The following CCT4 variants were observed in gnomAD, a reference collection of about 807,000 sequenced individuals.
CCT4 encodes T-complex protein 1 subunit delta.
A neutral mutation model predicts 62.5 loss-of-function variants in CCT4; 17 were observed. The ratio of observed to expected loss-of-function variants is 0.27; its 90% confidence interval spans 0.19 to 0.41. The LOEUF is 0.41. Among genes scored for constraint, CCT4 ranks in the 10% least tolerant of loss-of-function variants. The pLI, the probability that CCT4 is intolerant of heterozygous loss-of-function variation, is 1.00. For synonymous variants in CCT4, 250 were observed against 229.9 expected, an observed-to-expected ratio of 1.09 and a Z score of -0.79; for missense variants, 592 against 659.2, an observed-to-expected ratio of 0.90 and a Z score of 1.12.
At chr2:61,887,768 A>G (rs973589533) in intron 1 of CCT4, among the ~76,000 whole-genome samples, 10 of 151,988 alleles carry the variant, frequency 6.6e-5, no homozygotes, top group Non-Finnish European at 1.5e-4. Context: ...ACACTTCCAC[A>G]AAAAAAACAA....
intron 2 of CCT4, among the ~76,000 whole-genome samples, chr2:61,884,188 T>A (rs138414289): frequency 6.6e-6 from 1 of 152,232 alleles, no homozygotes; most frequent in Non-Finnish European, 1.5e-5. Flanking sequence ...GATATCTATA[T>A]TTGGGTGTGC....
intron 7 of CCT4, 76 bp downstream of exon 7, chr2:61,876,844 C>A: frequency 7.8e-7 from 1 of 1,278,122 alleles, no homozygotes; most frequent in Non-Finnish European, 1.1e-6. Flanking sequence ...GTAGTATTTT[C>A]TATTTTTAAT....
At position 61,872,572 on chromosome 2, in the gene CCT4, C is replaced by A; in HGVS notation, c.1142G>T (p.Ser381Ile). Residue 381 changes from serine (S) to isoleucine (I), a missense_variant, in exon 11 of 14, where the codon AGC (serine) becomes ATC (isoleucine). Around this residue, in one of 3 missense-constraint regions of CCT4, gnomAD observed 522 missense variants for 571.2 expected, o/e 0.91. Transcript: ENST00000394440. ...AACAATTGTAACTGTTTTTCCAGGG[C>A]TGGCACAGCCTGTAATCTTCAGTAA... is the stretch of plus-strand genomic sequence containing the variant. ...GKLLKITGCA[S>I]PGKTVTIVVR... is the part of the protein sequence containing the mutation. The A allele has an allele frequency of 1.2e-6, 2 of 1,613,742 alleles. No homozygotes were observed. The highest frequency in any genetic ancestry group is 1.7e-6 in the Non-Finnish European group (2 of 1,179,868).
intron 5 of CCT4, 93 bp downstream of exon 5, chr2:61,878,776 G>C: frequency 1.2e-6 from 1 of 808,156 alleles, no homozygotes; most frequent in Non-Finnish European, 1.9e-6. Flanking sequence ...AGCCACTCTT[G>C]AGATTTAGTA....
At position 61,888,537 on chromosome 2, in the gene CCT4, G is replaced by C. The variant is rs370130012; in HGVS notation, c.-30C>G. On this transcript the variant is annotated 5_prime_UTR_variant, in exon 1 of 14. Transcript: ENST00000394440. ...AACTCCGCTGTGTCTGGGTTGGCTCGGGAAGGACGGATGGACCCGGATTCT... is the reference window on the plus strand; with the variant it reads ...AACTCCGCTGTGTCTGGGTTGGCTCCGGAAGGACGGATGGACCCGGATTCT... 5.6e-6 allele frequency: 9 copies of C among 1,602,406 alleles called. No homozygotes were observed. The highest frequency in any genetic ancestry group is 7.7e-6 in the Non-Finnish European group (9 of 1,174,218).
At chr2:61,876,457 A>C (rs556049214) in intron 7 of CCT4, among the ~76,000 whole-genome samples, 11 of 152,308 alleles carry the variant, frequency 7.2e-5, no homozygotes, top group African/African-American at 2.2e-4. Context: ...TTTGCAAGTA[A>C]ATTTTTTATA....
At chr2:61,869,924 G>A (rs543760567) in intron 12 of CCT4, among the ~76,000 whole-genome samples, 246 of 150,500 alleles carry the variant, frequency 1.6e-3, no homozygotes, top group Non-Finnish European at 2.9e-3. Context: ...GAGCCATGGC[G>A]CCTGGCCACT....
rs112310727 is a variant in CCT4 at position 61,869,512 on chromosome 2, A to T, written c.1533T>A (p.Pro511=). ...SNILEELVVQ[P]LLVSVSALTL... ...TCAGAGCACTGACTGATACCAACAG[A>T]GGCTGGACAACCAGTTCCTCCAAAA... The change falls in exon 13 of 14, where the codon CCT becomes CCA. Residue 511 remains proline, a synonymous_variant. Transcript: ENST00000394440. 2 of 1,612,388 alleles carry T rather than the reference A, an allele frequency of 1.2e-6. No individual in the cohort carries two copies. The highest frequency in any genetic ancestry group is 1.3e-5 in the African/African-American group (1 of 75,034).
At position 61,880,412 on chromosome 2, in the gene CCT4, GC is replaced by G; in HGVS notation, c.271-19del. 1 of 1,417,376 alleles carries G rather than the reference GC, an allele frequency of 7.1e-7. No individual in the cohort carries two copies. The highest frequency in any genetic ancestry group is 9.9e-7 in the Non-Finnish European group (1 of 1,013,080). The allele number at this position is 1,417,376 out of a possible 1,614,324, so 87.8% of individuals were successfully genotyped here. A position where few individuals can be genotyped will look rare whatever the true frequency, so the allele number is the denominator to read the frequency against. The stretch of plus-strand genomic sequence containing the variant: ...TCCACCAGCTAAGTGAACAGAAAAT[GC>G]CAAGTTGCTCAATGAGAAATGACAG... On this transcript the variant is annotated intron_variant, in intron 3 of 13. Transcript: ENST00000394440.
At position 61,873,085 on chromosome 2, in the gene CCT4, T is replaced by C; in HGVS notation, c.1042A>G (p.Ile348Val). Residue 348 changes from isoleucine to valine, a missense_variant, in exon 10 of 14, where the codon ATT becomes GTT. Ile to Val is a conservative substitution (Grantham distance 29). Around this residue, in one of 3 missense-constraint regions of CCT4, gnomAD observed 522 missense variants for 571.2 expected, o/e 0.91. Transcript: ENST00000394440. ...AGCATGTCAGCAGTAAATTGGTCAA[T>C]ATGAGCAACTGGCTTGGTTCCAATT... ...KTIGTKPVAH[I>V]DQFTADMLGS... The C allele has an allele frequency of 6.2e-7, 1 of 1,611,520 alleles. No homozygotes were observed. Among genetic ancestry groups the C allele is most frequent in the Non-Finnish European group, 8.5e-7 (1 of 1,177,588 alleles).
Position 61,873,309 on chromosome 2 carries a change from A to C in CCT4, c.918-16T>G. 1 of 1,392,772 alleles carries C rather than the reference A, an allele frequency of 7.2e-7. No homozygotes were observed. The highest frequency in any genetic ancestry group is 1.0e-6 in the Non-Finnish European group (1 of 985,082). The allele number at this position is 1,392,772 out of a possible 1,614,324, so 86.3% of individuals were successfully genotyped here. On this transcript the variant is annotated splice_polypyrimidine_tract_variant and intron_variant, in intron 8 of 13. Coordinates refer to ENST00000394440, the MANE Select transcript of CCT4 (RefSeq NM_006430.4). ...AAGAGCATCTCTAAAATACAAAATC[A>C]GTGATTATGTCAATGCTAGATTAAA...
chr2:61,880,736 T>C (rs1471797621), intron 3 of CCT4, among the ~76,000 whole-genome samples: 1 of 152,096 alleles, frequency 6.6e-6, no homozygotes, highest in African/African-American at 2.4e-5. Flanking sequence ...GACAGGGTCT[T>C]ACTCTGTCAC....
rs572611884 is a variant in CCT4, at chr2:61,872,059, T to C, written c.1491+23A>G. 4.9e-5 allele frequency: 71 copies of C among 1,457,218 alleles called. 1 individual carries two copies. In the South Asian group the frequency reaches 8.1e-4, roughly 17 times the overall value. The allele number at this position is 1,457,218 out of a possible 1,614,324, so 90.3% of individuals were successfully genotyped here. A position where few individuals can be genotyped will look rare whatever the true frequency, so the allele number is the denominator to read the frequency against. ...ATATTTTAAATTAATCAATATTTTC[T>C]ACATTAGAGATTAAATGATTACCTT... On this transcript the variant is annotated intron_variant, in intron 12 of 13. Coordinates refer to ENST00000394440, the MANE Select transcript of CCT4 (RefSeq NM_006430.4).
In CCT4 at chr2:61,876,981, G is replaced by A. The variant is rs368560487; in HGVS notation, c.716C>T (p.Thr239Ile). ...CCCAATCTTGGCCTTTTCAACTCTG[G>A]TTATGCCAGAATTTGACACTTTTTG... is the stretch of plus-strand genomic sequence containing the variant. Reference protein sequence around the residue: ...LTQKVSNSGITRVEKAKIGLI... With the variant: ...LTQKVSNSGIIRVEKAKIGLI... The change falls in exon 7 of 14, where the codon ACC (threonine) becomes ATC (isoleucine). Residue 239 changes from threonine (T) to isoleucine (I), a missense_variant. Thr to Ile is a moderately conservative substitution (Grantham distance 89). This residue lies in a region of CCT4 where 522 missense variants were observed against 571.2 expected (regional missense o/e 0.91). Transcript: ENST00000394440. 10 of 1,613,600 alleles carry A rather than the reference G, an allele frequency of 6.2e-6. No homozygotes were observed. The highest frequency in any genetic ancestry group is 4.0e-5 in the African/African-American group (3 of 74,892).
chr2:61,882,547 G>A (rs1483188675), intron 3 of CCT4, among the ~76,000 whole-genome samples: 7 of 150,632 alleles, frequency 4.6e-5, no homozygotes, highest in Non-Finnish European at 1.0e-4. Context: ...ACAGGGTCTC[G>A]CTTTGTCACC....
At chr2:61,886,763 A>T (rs1425966885) in intron 1 of CCT4, among the ~76,000 whole-genome samples, 10 of 150,312 alleles carry the variant, frequency 6.7e-5, no homozygotes, top group African/African-American at 2.2e-4. Context: ...CCCCAAATTT[A>T]TCTTTTTTTT....
chr2:61,873,372 ACT>A (rs1456502572), intron 8 of CCT4, 79 bp from the exon 9 acceptor site: 2 of 666,462 alleles, frequency 3.0e-6, no homozygotes, highest in Non-Finnish European at 5.3e-6. Flanking sequence ...GGTTTTAATT[ACT>A]GTTTCTTAAA....
chr2:61,868,859 A>G (rs4672463), intron 13 of CCT4, 153 bp from the exon 14 acceptor site: 619,238 of 635,052 alleles, frequency 0.98, 301,991 homozygotes, highest in East Asian at 0.99. Context: ...AAACTTGGCC[A>G]GGCACGGTGG....
rs185431699 is a variant in CCT4 at position 61,882,893 on chromosome 2, C to T, written c.270+566G>A. On this transcript the variant is annotated intron_variant, in intron 3 of 13. Coordinates refer to ENST00000394440, the MANE Select transcript of CCT4 (RefSeq NM_006430.4). ...TTATAGCTCTCTGCAGCCACAAACT[C>T]TTGGGCTCAAATAATCCTCCCATGT... is the stretch of plus-strand genomic sequence containing the variant. Among the ~76,000 whole-genome samples, 265 of 151,702 alleles carry T rather than the reference C, an allele frequency of 1.7e-3. 1 individual carries two copies. Among genetic ancestry groups the T allele is most frequent in the African/African-American group, 6.1e-3 (253 of 41,334 alleles).
Sources: allele counts gnomAD v4.1 joint callset (sites outside exome capture counted in the v4.1 genomes callset), GRCh38; gene constraint gnomAD v4.1.1; regional missense constraint gnomAD v4.1.1; transcripts MANE v1.5; gene names NCBI Gene and HGNC (gene_info 2026-07-23, HGNC 2026-07-21).